Variants in OR3A2 observed in about 807,000 individuals in gnomAD.
The protein encoded by OR3A2 is olfactory receptor family 3 subfamily A member 2.
For synonymous variants in OR3A2, 126 were observed against 159.3 expected (o/e 0.79, Z 1.57); for missense variants, 318 against 392.8 (o/e 0.81, Z 1.61).
In OR3A2 at chr17:3,311,555, T is replaced by C; in HGVS notation, c.-85+24478A>G. On this transcript the variant is annotated intron_variant, in intron 3 of 4. Coordinates refer to the OR3A2 transcript ENST00000573491. This position sits in a 1 kb window ranked among gnomAD's most constrained non-coding sequence, Gnocchi z 4.6. ...TGTGACCTCCCACCTCTTTTCCAGC[T>C]CTCTTGCTCCAGCATCCACCTCAAT... 2.3e-6 allele frequency: 1 copy of C among 428,942 alleles called. No individual in the cohort carries two copies. Among genetic ancestry groups the C allele is most frequent in the Non-Finnish European group, 4.7e-6 (1 of 212,762 alleles). 26.6% of individuals were successfully genotyped at this position (428,942 alleles called of 1,614,324 possible).
intron 2 of OR3A2, among the ~76,000 whole-genome samples, chr17:3,378,809 G>A (rs1288833717): frequency 2.0e-5 from 3 of 152,146 alleles, no homozygotes; most frequent in Non-Finnish European, 4.4e-5. Context: ...CAAGCCACAG[G>A]TGCAGTTTCA....
chr17:3,339,170 G>C (rs1964645945), intron 2 of OR3A2, among the ~76,000 whole-genome samples: 1 of 152,190 alleles, frequency 6.6e-6, no homozygotes, highest in African/African-American at 2.4e-5. Flanking sequence ...ATTTTGGGCT[G>C]AGATGAAGGG....
chr17:3,319,771 A>C (rs1019725781), intron 3 of OR3A2, among the ~76,000 whole-genome samples: 6 of 152,166 alleles, frequency 3.9e-5, no homozygotes, highest in Admixed American at 3.3e-4. Context: ...AATCCAGTCT[A>C]TTGTTGTTGG....
At chr17:3,335,916 A>T (rs1034804733) in intron 3 of OR3A2, 113 bp downstream of exon 2, 1 of 152,262 alleles carries the variant, frequency 6.6e-6, no homozygotes, top group African/African-American at 2.4e-5. Context: ...GGGTCAGATC[A>T]GCCAAACAAC....
chr17:3,360,918 T>C lies in OR3A2; in HGVS notation c.-179+22886A>G, dbSNP rs552573587. On this transcript the variant is annotated intron_variant, in intron 2 of 4. Transcript: ENST00000573491. ...CGATCTGGGCTCCTTTTTGGCTCCATATGAACTTTAAAGTAGTTTTTCCCA... is the reference window on the plus strand; with the variant it reads ...CGATCTGGGCTCCTTTTTGGCTCCACATGAACTTTAAAGTAGTTTTTCCCA... Among the ~76,000 whole-genome samples the C allele has an allele frequency of 6.6e-5, 10 of 151,806 alleles. No individual in the cohort carries two copies. In the East Asian group the frequency reaches 1.3e-3, roughly 20 times the overall value.
At chr17:3,370,448 A>C (rs1383380452) in intron 2 of OR3A2, among the ~76,000 whole-genome samples, 1 of 151,978 alleles carries the variant, frequency 6.6e-6, no homozygotes, top group Non-Finnish European at 1.5e-5. Flanking sequence ...ATGGTCTATC[A>C]ATTTCTTTAT....
intron 3 of OR3A2, among the ~76,000 whole-genome samples, chr17:3,321,753 T>G (rs1266898346): frequency 2.0e-5 from 3 of 152,190 alleles, no homozygotes; most frequent in Non-Finnish European, 4.4e-5. Flanking sequence ...GTGGATAAGC[T>G]TTTTGATGTG....
At chr17:3,292,962 A>C (rs2048889276) in intron 3 of OR3A2, among the ~76,000 whole-genome samples, 1 of 152,076 alleles carries the variant, frequency 6.6e-6, no homozygotes, top group Non-Finnish European at 1.5e-5. Context: ...CTCAGAACTT[A>C]TCTCTTTCCA....
chr17:3,374,783 T>C (rs1297336404), intron 2 of OR3A2, among the ~76,000 whole-genome samples: 19 of 152,202 alleles, frequency 1.2e-4, no homozygotes, highest in Admixed American at 1.2e-3. Flanking sequence ...TTAGTGGTGA[T>C]TTCTGAGATT....
intron 3 of OR3A2, among the ~76,000 whole-genome samples, chr17:3,290,774 A>G (rs1172962921): frequency 2.0e-5 from 3 of 152,228 alleles, no homozygotes; most frequent in Non-Finnish European, 4.4e-5. Context: ...TATGACTTGC[A>G]TTTATAGTTA....
intron 2 of OR3A2, among the ~76,000 whole-genome samples, chr17:3,378,312 G>A (rs1341982061): frequency 6.6e-6 from 1 of 152,238 alleles, no homozygotes; most frequent in Non-Finnish European, 1.5e-5. Flanking sequence ...GGCAGCAGGG[G>A]GCTGGCACGT....
At chr17:3,380,821 G>A (rs2049728631) in intron 2 of OR3A2, among the ~76,000 whole-genome samples, 2 of 152,140 alleles carry the variant, frequency 1.3e-5, no homozygotes, top group African/African-American at 4.8e-5. Flanking sequence ...TGGTTTCCCT[G>A]TTTACCACTG....
chr17:3,353,323 C>T (rs964229015), intron 2 of OR3A2, among the ~76,000 whole-genome samples: 9 of 145,896 alleles, frequency 6.2e-5, no homozygotes. Context: ...CTGACTTCTT[C>T]TTTTCCAATT....
At chr17:3,332,577 C>T (rs938795581) in intron 3 of OR3A2, among the ~76,000 whole-genome samples, 2 of 152,246 alleles carry the variant, frequency 1.3e-5, no homozygotes, top group Non-Finnish European at 2.9e-5. Flanking sequence ...GGTGTGCACA[C>T]CCACTGACCT....
chr17:3,297,925 C>T (rs2048932741), intron 3 of OR3A2, among the ~76,000 whole-genome samples: 1 of 151,904 alleles, frequency 6.6e-6, no homozygotes, highest in South Asian at 2.1e-4. Context: ...AGAAGTACTG[C>T]TGTAGGTGTC....
intron 2 of OR3A2, among the ~76,000 whole-genome samples, chr17:3,345,798 A>G (rs561002916): frequency 1.3e-4 from 20 of 152,264 alleles, no homozygotes; most frequent in African/African-American, 4.6e-4. Context: ...CACCAGAGTA[A>G]TATTTTTTAA....
rs569779586 is a variant in OR3A2, at chr17:3,371,355, G to A, written c.-179+12449C>T. Among the ~76,000 whole-genome samples the A allele has an allele frequency of 4.9e-3, 729 of 150,284 alleles. 9 individuals carry two copies. The highest frequency in any genetic ancestry group is 7.9e-3 in the Non-Finnish European group (531 of 67,362). ...GTGCCCCTCATCTCCCGGACGAGGC[G>A]GCTGGCCGGGCGGGGGGCTGACCCC... On this transcript the variant is annotated intron_variant, in intron 2 of 4. Transcript: ENST00000573491.
chr17:3,376,448 G>C (rs769277974), intron 2 of OR3A2, among the ~76,000 whole-genome samples: 1 of 144,354 alleles, frequency 6.9e-6, no homozygotes, highest in African/African-American at 2.6e-5. Flanking sequence ...ACTCTCCTTG[G>C]GCAGGGCTTG....
At position 3,299,962 on chromosome 17, in the gene OR3A2, C is replaced by T. The variant is rs202135029; in HGVS notation, c.-84-20809G>A. ...TATTTTGGTGCATTATCTTAATTTTCTGGACAACTCTTTGACATGGCTTTG... is the reference window on the plus strand; with the variant it reads ...TATTTTGGTGCATTATCTTAATTTTTTGGACAACTCTTTGACATGGCTTTG... On this transcript the variant is annotated intron_variant, in intron 3 of 4. Transcript: ENST00000573491. 5.9e-5 allele frequency among the ~76,000 whole-genome samples: 9 copies of T among 152,044 alleles called. No homozygotes were observed. The East Asian group carries it at 1.5e-3, about 26-fold the overall frequency.
Sources: gnomAD v4.1 joint callset for allele counts (sites outside exome capture counted in the v4.1 genomes callset) on GRCh38, gnomAD v4.1.1 for gene constraint, Gnocchi (gnomAD v3.1) non-coding constraint, MANE v1.5 for transcripts, NCBI Gene and HGNC (gene_info 2026-07-23, HGNC 2026-07-21) for gene names.